The following BNC2 variants were observed in gnomAD, a reference collection of about 807,000 sequenced individuals.
BNC2 encodes basonuclin zinc finger protein 2, also known as zinc finger protein basonuclin-2.
Under a neutral mutation model 76.3 loss-of-function variants are expected in BNC2, and 20 were observed. The ratio of observed to expected loss-of-function variants is 0.26; its 90% CI spans 0.18 to 0.38. The LOEUF (loss-of-function observed/expected upper bound fraction) is 0.38. Ranked by LOEUF, BNC2 falls within the 10% of genes least tolerant of loss-of-function variation. The pLI is 1.00. For missense variants in BNC2, 1,382 were observed against 1,399.8 expected, an observed-to-expected ratio of 0.99 and a Z score of 0.20; for synonymous variants, 582 against 514.8, an observed-to-expected ratio of 1.13 and a Z score of -1.77.
chr9:16,868,938 G>C (rs1218607510), intron 1 of BNC2, among the ~76,000 whole-genome samples: 1 of 152,220 alleles, frequency 6.6e-6, no homozygotes, highest in Non-Finnish European at 1.5e-5. Flanking sequence ...TATGCGTGTG[G>C]ACAGTAACAC....
At chr9:16,468,010 A>G (rs181264014) in intron 5 of BNC2, among the ~76,000 whole-genome samples, 140 of 151,402 alleles carry the variant, frequency 9.2e-4, no homozygotes, top group African/African-American at 3.3e-3. Context: ...TGTGTTCCTG[A>G]AAAACTCCTA....
At chr9:16,579,772 C>G in intron 4 of BNC2, 1 of 210,612 alleles carries the variant, frequency 4.7e-6, no homozygotes, top group East Asian at 1.0e-4. Context: ...AATCCAACAT[C>G]TTAGGAATGA....
chr9:16,553,438 T>C (rs938586384), intron 4 of BNC2, among the ~76,000 whole-genome samples: 4 of 152,222 alleles, frequency 2.6e-5, no homozygotes, highest in Non-Finnish European at 5.9e-5. Flanking sequence ...TTTGTGTTCA[T>C]TGGCATGTTT....
At chr9:16,458,895 G>C (rs1004145048) in intron 5 of BNC2, among the ~76,000 whole-genome samples, 3 of 152,178 alleles carry the variant, frequency 2.0e-5, no homozygotes, top group African/African-American at 7.2e-5. Context: ...CCAGCACGAG[G>C]AGAGAACAAT....
chr9:16,738,172 A>C (rs2135124721), intron 2 of BNC2, among the ~76,000 whole-genome samples, 188 bp downstream of exon 2: 1 of 152,290 alleles, frequency 6.6e-6, no homozygotes, highest in South Asian at 2.1e-4. Flanking sequence ...ATCTACTTTC[A>C]ATTATTTCTT....
chr9:16,835,424 C>T (rs1305981227), intron 1 of BNC2, among the ~76,000 whole-genome samples: 1 of 152,158 alleles, frequency 6.6e-6, no homozygotes, highest in Non-Finnish European at 1.5e-5. Context: ...CTTGGCCAGG[C>T]ATGGTGGCTC....
intron 1 of BNC2, among the ~76,000 whole-genome samples, chr9:16,855,581 A>G (rs1208715680): frequency 1.3e-5 from 2 of 152,238 alleles, no homozygotes; most frequent in Non-Finnish European, 2.9e-5. Flanking sequence ...TCTGTCGCCC[A>G]GGCTGGAGTG....
intron 2 of BNC2, among the ~76,000 whole-genome samples, chr9:16,730,873 G>C (rs1055574304): frequency 6.6e-6 from 1 of 152,154 alleles, no homozygotes; most frequent in Non-Finnish European, 1.5e-5. Flanking sequence ...AATTTACAAA[G>C]AGGACAAGCT....
chr9:16,820,538 AC>A (rs1818299260), intron 1 of BNC2, among the ~76,000 whole-genome samples: 1 of 152,218 alleles, frequency 6.6e-6, no homozygotes, highest in Non-Finnish European at 1.5e-5. Context: ...CAGCTCCACA[AC>A]CAGGCTTAAA....
chr9:16,803,761 G>A (rs1460910297), intron 1 of BNC2, among the ~76,000 whole-genome samples: 1 of 152,216 alleles, frequency 6.6e-6, no homozygotes, highest in East Asian at 1.9e-4. Flanking sequence ...GAAATTGGAA[G>A]CACAGAATTT....
chr9:16,518,578 A>AT (rs373462892), intron 5 of BNC2, among the ~76,000 whole-genome samples: 49 of 60,642 alleles, frequency 8.1e-4, no homozygotes, highest in African/African-American at 2.7e-3. Flanking sequence ...ATATATATAT[A>AT]TTTTTTGTTG....
At chr9:16,470,814 G>A (rs957677212) in intron 5 of BNC2, among the ~76,000 whole-genome samples, 13 of 152,206 alleles carry the variant, frequency 8.5e-5, no homozygotes, top group African/African-American at 3.1e-4. Context: ...TGCAGGGGCG[G>A]GGCCCTCATG....
intron 3 of BNC2, among the ~76,000 whole-genome samples, chr9:16,660,409 G>A (rs542036144): frequency 8.6e-5 from 13 of 151,224 alleles, no homozygotes; most frequent in Admixed American, 2.6e-4. Flanking sequence ...AGCTGAGATC[G>A]TGCCACTGCA....
intron 1 of BNC2, among the ~76,000 whole-genome samples, chr9:16,758,507 T>C (rs7855044): frequency 0.11 from 16,496 of 152,076 alleles, 1,104 homozygotes; most frequent in Admixed American, 0.2. Flanking sequence ...CTTTTTGTAT[T>C]TGTAGTAGAG....
intron 5 of BNC2, among the ~76,000 whole-genome samples, chr9:16,462,325 C>T (rs1046943166): frequency 3.3e-5 from 5 of 152,188 alleles, no homozygotes; most frequent in Non-Finnish European, 7.3e-5. Context: ...CTAAGAACAG[C>T]TCAGGAGCCA....
chr9:16,427,265 G>C (rs1587012930), intron 6 of BNC2, among the ~76,000 whole-genome samples: 1 of 152,338 alleles, frequency 6.6e-6, no homozygotes, highest in East Asian at 1.9e-4. Flanking sequence ...TATTAGTGAA[G>C]TTATAATGGC....
intron 3 of BNC2, among the ~76,000 whole-genome samples, chr9:16,628,225 C>T (rs1157519979): frequency 6.6e-6 from 1 of 152,196 alleles, no homozygotes; most frequent in Non-Finnish European, 1.5e-5. Context: ...CTGAAAGCAG[C>T]TGTACTGAAA....
In BNC2 at chr9:16,635,887, T is replaced by C. The variant is rs187646364; in HGVS notation, c.331-52802A>G. 6.6e-5 allele frequency among the ~76,000 whole-genome samples: 10 copies of C among 152,252 alleles called. No homozygotes were observed. The East Asian group carries it at 1.7e-3, about 26-fold the overall frequency. ...CAAACAATACATCCCACACTCCATA[T>C]GGCAAAGGGTAGGATGGTGGTGAGG... On this transcript the variant is annotated intron_variant, in intron 3 of 6. Transcript: ENST00000380672.
intron 1 of BNC2, among the ~76,000 whole-genome samples, chr9:16,791,028 GA>G (rs1817491452): frequency 6.6e-6 from 1 of 151,984 alleles, no homozygotes; most frequent in South Asian, 2.1e-4. Flanking sequence ...AAAATAACAG[GA>G]AGTGCTAGTG....
Sources: allele counts gnomAD v4.1 joint callset (sites outside exome capture counted in the v4.1 genomes callset), GRCh38; gene constraint gnomAD v4.1.1; transcripts MANE v1.5; gene names NCBI Gene and HGNC (gene_info 2026-07-23, HGNC 2026-07-21).